The following SLC35E4 variants were observed in gnomAD, a reference collection of about 807,000 sequenced individuals.
SLC35E4 encodes solute carrier family 35, member E4.
Under a neutral mutation model 19.3 loss-of-function variants are expected in SLC35E4, and 15 were observed. That is an observed-to-expected ratio of 0.78 (90% CI 0.52 to 1.20). The LOEUF is 1.20. SLC35E4 is among the 50% of genes most tolerant of loss of function. The probability of loss-of-function intolerance (pLI) is 0.00; values close to 1 mark genes in which losing one functional copy is unlikely to be tolerated. For synonymous variants in SLC35E4, 219 were observed against 219.9 expected, an observed-to-expected ratio of 1.00 and a Z score of 0.04; for missense variants, 406 against 472.3, an observed-to-expected ratio of 0.86 and a Z score of 1.30.
intron 2 of SLC35E4, chr22:30,654,192 G>A (rs2088287058): frequency 3.5e-6 from 1 of 284,988 alleles, no homozygotes; most frequent in Non-Finnish European, 6.9e-6. Flanking sequence ...CACCATGTTA[G>A]CCAGGATGGT....
At chr22:30,642,456 G>A (rs987042617) in intron 1 of SLC35E4, among the ~76,000 whole-genome samples, 1 of 152,136 alleles carries the variant, frequency 6.6e-6, no homozygotes, top group African/African-American at 2.4e-5. Flanking sequence ...CCAGAAAGAA[G>A]GCTGGGCATG....
exon 3 of SLC35E4, chr22:30,662,818 G>A (rs2088515889): frequency 6.6e-6 from 1 of 152,550 alleles, no homozygotes; most frequent in Non-Finnish European, 1.5e-5. Flanking sequence ...GACAGAGCAG[G>A]ACAGTTTCAA....
chr22:30,659,786 C>G (rs1186222336), intron 2 of SLC35E4, among the ~76,000 whole-genome samples: 1 of 152,136 alleles, frequency 6.6e-6, no homozygotes, highest in African/African-American at 2.4e-5. Context: ...GCAGATGTAA[C>G]TGATTTTATT....
At chr22:30,666,583 C>T (rs1258984219), downstream of SLC35E4, among the ~76,000 whole-genome samples, 3 of 138,814 alleles carry the variant, frequency 2.2e-5, no homozygotes, top group Non-Finnish European at 4.5e-5. Context: ...GATCGTGCCA[C>T]TGCACTCCAG....
chr22:30,639,415 A>C (rs1033627116), intron 1 of SLC35E4, among the ~76,000 whole-genome samples: 4 of 152,190 alleles, frequency 2.6e-5, no homozygotes, highest in African/African-American at 9.7e-5. Flanking sequence ...TCGGGCACGC[A>C]TTGTCATTGA....
intron 2 of SLC35E4, among the ~76,000 whole-genome samples, chr22:30,655,158 GC>G (rs1405554026): frequency 6.6e-6 from 1 of 151,948 alleles, no homozygotes; most frequent in African/African-American, 2.4e-5. Context: ...GGGACAGTTT[GC>G]CACAAGAAGC....
downstream of SLC35E4, chr22:30,649,094 T>C (rs2088174466): frequency 4.3e-6 from 3 of 703,000 alleles, no homozygotes; most frequent in Non-Finnish European, 5.3e-6. Context: ...AAGGACCCAG[T>C]TGGAGTGAGA....
downstream of SLC35E4, chr22:30,665,252 C>T (rs1370337838): frequency 5.0e-6 from 1 of 200,542 alleles, no homozygotes; most frequent in East Asian, 1.3e-4. Context: ...TGTTTCCCTG[C>T]TTAATATATT....
At chr22:30,638,092 A>C (rs1352312609) in intron 1 of SLC35E4, among the ~76,000 whole-genome samples, 1 of 152,090 alleles carries the variant, frequency 6.6e-6, no homozygotes, top group Non-Finnish European at 1.5e-5. Context: ...CAGGCTGGGC[A>C]TGGTATCTCA....
chr22:30,646,766 T>C lies in SLC35E4; in HGVS notation c.788T>C (p.Leu263Pro), dbSNP rs777682785. 2 of 1,614,064 alleles carry C rather than the reference T, an allele frequency of 1.2e-6. No individual in the cohort carries two copies. Among genetic ancestry groups the C allele is most frequent in the South Asian group, 1.1e-5 (1 of 91,090 alleles). ...RLWACILLSC[L>P]LSVLYNLASF... ...TGGGCCTGCATCCTGCTCAGCTGCC[T>C]CCTGTCTGTTCTCTATAACCTGGCC... Residue 263 changes from leucine to proline, a missense_variant, in exon 2 of 2, where the codon CTC becomes CCC. Transcript: ENST00000343605.
In SLC35E4 at chr22:30,636,594, A is replaced by C. The variant is rs777156837; in HGVS notation, c.144A>C (p.Arg48=). 42 of 1,605,312 alleles carry C rather than the reference A, an allele frequency of 2.6e-5. 3 individuals carry two copies. The South Asian group carries it at 3.7e-4, about 14-fold the overall frequency. Reference sequence around the variant, plus strand: ...CCCTCCGGCAGCCTGGCCGGGCCCGAGTGGCCATGGCAGCACTGGTGTGGC... The same window carrying C: ...CCCTCCGGCAGCCTGGCCGGGCCCGCGTGGCCATGGCAGCACTGGTGTGGC... The part of the protein sequence containing the change: ...PQALRQPGRA[R]VAMAALVWLL... Residue 48 remains arginine, a synonymous_variant, in exon 1 of 2, where the codon CGA becomes CGC. Coordinates refer to ENST00000343605, the MANE Select transcript of SLC35E4 (RefSeq NM_001001479.4).
chr22:30,649,145 G>A, downstream of SLC35E4: 1 of 715,558 alleles, frequency 1.4e-6, no homozygotes, highest in Admixed American at 2.0e-5. Context: ...CTGACTGGGA[G>A]CCTCCCTTCC....
chr22:30,659,165 C>T (rs1425589128), intron 2 of SLC35E4, among the ~76,000 whole-genome samples: 1 of 147,760 alleles, frequency 6.8e-6, no homozygotes, highest in Non-Finnish European at 1.5e-5. Flanking sequence ...TGAACTGATA[C>T]TGGAACTACA....
intron 2 of SLC35E4, among the ~76,000 whole-genome samples, chr22:30,655,830 G>A (rs1291242537): frequency 6.6e-6 from 1 of 152,088 alleles, no homozygotes; most frequent in African/African-American, 2.4e-5. Flanking sequence ...GCCAAGAGGT[G>A]GAAGAGTCAG....
intron 1 of SLC35E4, among the ~76,000 whole-genome samples, chr22:30,640,369 CA>C (rs34746167): frequency 0.36 from 41,614 of 115,180 alleles, 6,984 homozygotes; most frequent in South Asian, 0.58. Context: ...GACTCCATCT[CA>C]AAAAAAAAAA....
chr22:30,665,379 A>G (rs2088611031), downstream of SLC35E4: 1 of 327,194 alleles, frequency 3.1e-6, no homozygotes, highest in Admixed American at 3.8e-5. Flanking sequence ...CCATGCTCTG[A>G]AGGGCCTCAG....
At position 30,636,085 on chromosome 22, in the gene SLC35E4, C is replaced by G. The variant is rs1453655638; in HGVS notation, c.-366C>G. 4.8e-6 allele frequency: 1 copy of G among 209,464 alleles called. No individual in the cohort carries two copies. Among genetic ancestry groups the G allele is most frequent in the Non-Finnish European group, 9.6e-6 (1 of 104,554 alleles). The allele number at this position is 209,464 out of a possible 1,614,324, so 13.0% of individuals were successfully genotyped here. Reference sequence around the variant, plus strand: ...CTGGATCTGCGCGCACCCTAATGACCTGGGGACTGAAGAGAAAAAAGGAAC... The same window carrying G: ...CTGGATCTGCGCGCACCCTAATGACGTGGGGACTGAAGAGAAAAAAGGAAC... On this transcript the variant is annotated 5_prime_UTR_variant, in exon 1 of 2. Transcript: ENST00000343605.
downstream of SLC35E4, chr22:30,665,697 T>C (rs1002582094): frequency 5.8e-6 from 2 of 344,000 alleles, no homozygotes; most frequent in Admixed American, 6.8e-5. Context: ...ATCTGTCTGA[T>C]TATTTGATTA....
chr22:30,651,429 T>TATA (rs2088220051), downstream of SLC35E4, among the ~76,000 whole-genome samples: 1 of 29,620 alleles, frequency 3.4e-5, no homozygotes, highest in African/African-American at 1.4e-4. Flanking sequence ...ATATATATAT[T>TATA]TTTTTTTTTT....
Sources: gnomAD v4.1 joint callset for allele counts (sites outside exome capture counted in the v4.1 genomes callset) on GRCh38, gnomAD v4.1.1 for gene constraint, MANE v1.5 for transcripts, NCBI Gene and HGNC (gene_info 2026-07-23, HGNC 2026-07-21) for gene names.